Variants in PLK5 observed in about 807,000 individuals in gnomAD.
The protein encoded by PLK5 is inactive serine/threonine-protein kinase PLK5.
Under a neutral mutation model 33.7 loss-of-function variants are expected in PLK5, and 28 were observed. The observed-to-expected ratio is 0.83, with a 90% CI of 0.62 to 1.14. The LOEUF is 1.14. Among genes scored for constraint, PLK5 ranks in the 50% most tolerant of loss-of-function variants. The probability of loss-of-function intolerance (pLI) is 0.00; values close to 1 mark genes in which losing one functional copy is unlikely to be tolerated. For missense variants in PLK5, 492 were observed against 461.5 expected (o/e 1.07, Z -0.61); for synonymous variants, 225 against 202.2 (o/e 1.11, Z -0.96).
At chr19:1,527,846 C>T (rs1397836739) in intron 6 of PLK5, 90 bp from the exon 7 acceptor site, 1 of 1,334,114 alleles carries the variant, frequency 7.5e-7, no homozygotes, top group African/African-American at 1.5e-5. Flanking sequence ...GGTTGCACAG[C>T]TAAGCTGTGT....
rs376546115 is a variant in PLK5, at chr19:1,527,924, C to A, written c.3-12C>A. 12 of 1,530,718 alleles carry A rather than the reference C, an allele frequency of 7.8e-6. No individual in the cohort carries two copies. Among genetic ancestry groups the A allele is most frequent in the South Asian group, 3.6e-5 (3 of 83,702 alleles). 94.8% of individuals were successfully genotyped at this position (1,530,718 alleles called of 1,614,324 possible). On this transcript the variant is annotated splice_polypyrimidine_tract_variant and intron_variant, in intron 6 of 13. Coordinates refer to ENST00000454744, the MANE Select transcript of PLK5 (RefSeq NM_001243079.2). ...CCTGGACACCCAGGTTCTTGCCCCC[C>A]ACCTGGCCCAGGTACACGGTGCTGA... is the stretch of plus-strand genomic sequence containing the variant.
In PLK5 at chr19:1,531,739, C is replaced by G. The variant is rs1324840803; in HGVS notation, c.570C>G (p.Ala190=). The G allele has an allele frequency of 2.0e-6, 3 of 1,536,620 alleles. No homozygotes were observed. Among genetic ancestry groups the G allele is most frequent in the Non-Finnish European group, 2.6e-6 (3 of 1,147,192 alleles). ...CAGCATACCTTTGTTTGTGCCCAGC[C>G]ACACAGGACCCCCTGGGAGAGCAGC... ...LQLCLDVGPP[A]TQDPLGEQQP... Residue 190 remains alanine, a splice_region_variant and synonymous_variant, in exon 12 of 14, where the codon GCC becomes GCG. Coordinates refer to ENST00000454744, the MANE Select transcript of PLK5 (RefSeq NM_001243079.2).
In PLK5 at chr19:1,527,951, T is replaced by C. The variant is rs2145541291; in HGVS notation, c.18T>C (p.Thr6=). Residue 6 remains threonine (T), a synonymous_variant, in exon 7 of 14, where the codon ACT becomes ACC. Transcript: ENST00000454744. The part of the protein sequence containing the change: MYTVL[T]GTPPFMASPL... ...CCTGGCCCAGGTACACGGTGCTGAC[T>C]GGCACCCCACCCTTCATGGCCTCAC... The C allele has an allele frequency of 3.9e-6, 6 of 1,535,110 alleles. No homozygotes were observed. Among genetic ancestry groups the C allele is most frequent in the Non-Finnish European group, 5.2e-6 (6 of 1,146,272 alleles).
intron 6 of PLK5, 51 bp downstream of exon 6, chr19:1,527,049 T>C: frequency 2.4e-6 from 1 of 422,486 alleles, no homozygotes; most frequent in Non-Finnish European, 3.5e-6. Flanking sequence ...GGGGCAGGTG[T>C]GGCGGGGGGG....
Position 1,528,923 on chromosome 19 carries a change from G to A in PLK5, c.354G>A (p.Ser118=), listed in dbSNP as rs745948827. The A allele has an allele frequency of 3.3e-6, 5 of 1,519,770 alleles. No homozygotes were observed. Among genetic ancestry groups the A allele is most frequent in the South Asian group, 1.2e-5 (1 of 82,072 alleles). 94.1% of individuals were successfully genotyped at this position (1,519,770 alleles called of 1,614,324 possible). Residue 118 remains serine, a synonymous_variant, in exon 9 of 14, where the codon TCG becomes TCA. Coordinates refer to ENST00000454744, the MANE Select transcript of PLK5 (RefSeq NM_001243079.2). ...GCCCCTTCACGCCTAAAGAGGCCTC[G>A]GGTCCAGGAGAAGGTGGGCCAGACC... is the stretch of plus-strand genomic sequence containing the variant. The part of the protein sequence containing the change: ...PPCPFTPKEA[S]GPGEGGPDPD...
At chr19:1,533,780 G>T in intron 12 of PLK5, 151 bp from the exon 13 acceptor site, 1 of 646,192 alleles carries the variant, frequency 1.5e-6, no homozygotes, top group Non-Finnish European at 2.7e-6. Context: ...GGATGTGCCC[G>T]GCCTGCTGGG....
At chr19:1,533,642 C>A in intron 12 of PLK5, 1 of 547,164 alleles carries the variant, frequency 1.8e-6, no homozygotes, top group Non-Finnish European at 3.3e-6. Flanking sequence ...AGCCACCATT[C>A]CAGGGGGTGT....
chr19:1,531,964 CA>C (rs1913945411), intron 12 of PLK5, 81 bp downstream of exon 12: 21 of 1,391,102 alleles, frequency 1.5e-5, no homozygotes, highest in Non-Finnish European at 2.0e-5. Flanking sequence ...ATTTATTAAG[CA>C]CCTACTGTGC....
chr19:1,529,141 T>A, intron 9 of PLK5, 167 bp downstream of exon 9: 1 of 683,650 alleles, frequency 1.5e-6, no homozygotes, highest in Admixed American at 3.0e-5. Context: ...GATCCATTTG[T>A]GTCCAAATGT....
rs1281686960 is a variant in PLK5 at position 1,528,387 on chromosome 19, G to A, written c.287G>A (p.Arg96Gln). The A allele has an allele frequency of 3.6e-5, 56 of 1,534,384 alleles. No individual in the cohort carries two copies. The highest frequency in any genetic ancestry group is 2.2e-4 in the Admixed American group (11 of 50,830). ...AIPPPLGRIFRKVGQRLLTQC... is the reference protein window; with the variant it reads ...AIPPPLGRIFQKVGQRLLTQC... ...CCCCCGCCTCTGGGCAGGATCTTCC[G>A]GAAGGTGGGCCAGCGGCTGCTCACC... Residue 96 changes from arginine to glutamine, a missense_variant, in exon 8 of 14, where the codon CGG becomes CAG. Coordinates refer to ENST00000454744, the MANE Select transcript of PLK5 (RefSeq NM_001243079.2).
At chr19:1,533,637 C>T (rs1913997012) in intron 12 of PLK5, 2 of 541,916 alleles carry the variant, frequency 3.7e-6, no homozygotes, top group Non-Finnish European at 6.6e-6. Context: ...TTTAAAGCCA[C>T]CATTCCAGGG....
Position 1,528,020 on chromosome 19 carries a change from C to T in PLK5, c.87C>T (p.Pro29=), listed in dbSNP as rs972135156. ...MYQNIREGHY[P]EPAHLSANAR... ...AAAACATCCGTGAGGGCCACTACCC[C>T]GAACCCGCTCACCTGTCTGCCAATG... The change falls in exon 7 of 14, where the codon CCC becomes CCT. Residue 29 remains proline (P), a synonymous_variant. Transcript: ENST00000454744. The T allele has an allele frequency of 1.4e-5, 21 of 1,536,054 alleles. No homozygotes were observed. The highest frequency in any genetic ancestry group is 4.1e-5 in the African/African-American group (3 of 73,044).
chr19:1,535,035 T>G (rs1914053168), intron 13 of PLK5, 30 bp from the exon 14 acceptor site: 2 of 1,478,468 alleles, frequency 1.4e-6, no homozygotes, highest in African/African-American at 2.8e-5. Flanking sequence ...GGTACCCGTC[T>G]CCCCTTGACT....
At chr19:1,534,174 G>A (rs946299958) in intron 13 of PLK5, 133 bp downstream of exon 13, 17 of 623,508 alleles carry the variant, frequency 2.7e-5, no homozygotes, top group African/African-American at 2.1e-4. Context: ...AAAAAAAAAA[G>A]GTATTGGCTC....
At chr19:1,529,563 G>A in intron 10 of PLK5, 73 bp downstream of exon 10, 1 of 1,474,414 alleles carries the variant, frequency 6.8e-7, no homozygotes, top group Non-Finnish European at 9.2e-7. Flanking sequence ...GGGGACCAAG[G>A]CCGTGGCTTA....
intron 12 of PLK5, 47 bp downstream of exon 12, chr19:1,531,930 C>A (rs1376227583): frequency 3.5e-6 from 5 of 1,420,426 alleles, no homozygotes; most frequent in Non-Finnish European, 4.6e-6. Context: ...ACTCCCCCTG[C>A]CTTTTTTCAT....
Position 1,524,395 on chromosome 19 carries a change from C to T in PLK5, c.-544+149C>T, listed in dbSNP as rs896866997. The stretch of plus-strand genomic sequence containing the variant: ...GCGCGCGTCCGGAGCCGCGGGGCCT[C>T]CCGTGCGGGGTTTCGCATGGCGGGA... On this transcript the variant is annotated intron_variant, in intron 1 of 13. Transcript: ENST00000454744. The surrounding 1 kb of genome is among the most constrained non-coding windows in gnomAD (Gnocchi z 4.5). The T allele has an allele frequency of 6.6e-6, 1 of 152,164 alleles. No homozygotes were observed. Among genetic ancestry groups the T allele is most frequent in the African/African-American group, 2.4e-5 (1 of 41,448 alleles). 9.4% of individuals were successfully genotyped at this position (152,164 alleles called of 1,614,324 possible).
chr19:1,533,835 G>C, intron 12 of PLK5, 96 bp from the exon 13 acceptor site: 1 of 982,956 alleles, frequency 1.0e-6, no homozygotes, highest in South Asian at 1.5e-5. Context: ...TGCCTGCGGC[G>C]GCGGCTGCGG....
Position 1,528,978 on chromosome 19 carries a change from A to T in PLK5, c.405+4A>T. The T allele has an allele frequency of 1.3e-6, 2 of 1,505,924 alleles. No homozygotes were observed. Among genetic ancestry groups the T allele is most frequent in the Non-Finnish European group, 1.8e-6 (2 of 1,132,366 alleles). The allele number at this position is 1,505,924 out of a possible 1,614,324, so 93.3% of individuals were successfully genotyped here. On this transcript the variant is annotated splice_donor_region_variant and intron_variant, in intron 9 of 13. Coordinates refer to ENST00000454744, the MANE Select transcript of PLK5 (RefSeq NM_001243079.2). ...CTCCATGGAGTGGGACGGCGAGGTG[A>T]GACATCGGGGTGGGGGACACGGGGA...
Sources: gnomAD v4.1 joint callset for allele counts on GRCh38, gnomAD v4.1.1 for gene constraint, Gnocchi (gnomAD v3.1) non-coding constraint, MANE v1.5 for transcripts, NCBI Gene and HGNC (gene_info 2026-07-23, HGNC 2026-07-21) for gene names.